FGFRL1: variants seen among roughly 807,000 people sequenced by gnomAD.
FGFRL1 encodes the protein fibroblast growth factor receptor like 1.
In FGFRL1, 24 loss-of-function variants were observed where a neutral mutation model predicts 36.8. The observed-to-expected ratio is 0.65, with a 90% confidence interval of 0.47 to 0.92. FGFRL1 has a LOEUF of 0.92. Ranked by LOEUF, FGFRL1 falls within the 40% of genes least tolerant of loss-of-function variation. The pLI, the probability that FGFRL1 is intolerant of heterozygous loss-of-function variation, is 0.00. For synonymous variants in FGFRL1, 422 were observed against 344.1 expected (o/e 1.23, Z -2.50); for missense variants, 785 against 753.4 (o/e 1.04, Z -0.49).
intron 2 of FGFRL1, 140 bp downstream of exon 2, chr4:1,012,704 C>T (rs1336740115): frequency 2.4e-6 from 1 of 419,458 alleles, no homozygotes; most frequent in Non-Finnish European, 4.1e-6. Context: ...GGCCCCCTTC[C>T]TTCCAGGGCC....
chr4:1,022,468 C>T lies in FGFRL1; in HGVS notation c.345C>T (p.Val115=), dbSNP rs762562937. 10 of 1,600,114 alleles carry T rather than the reference C, an allele frequency of 6.2e-6. No individual in the cohort carries two copies. Among genetic ancestry groups the T allele is most frequent in the Admixed American group, 1.7e-5 (1 of 59,462 alleles). The part of the protein sequence containing the change: ...FGSLSVNYTL[V]VLDDISPGKE... ...GCCTGAGCGTCAACTACACCCTCGT[C>T]GTGCTGGGTTAGTCGCTGCTGCGGT... Residue 115 remains valine (V), a synonymous_variant, in exon 3 of 7, where the codon GTC becomes GTT. Coordinates refer to ENST00000510644, the MANE Select transcript of FGFRL1 (RefSeq NM_001004356.3).
chr4:1,021,881 G>A (rs528576037), intron 2 of FGFRL1, among the ~76,000 whole-genome samples: 27 of 152,356 alleles, frequency 1.8e-4, no homozygotes, highest in Admixed American at 4.6e-4. Flanking sequence ...GTTACCAAGC[G>A]CAGCTGTTTT....
In FGFRL1 at chr4:1,024,996, C is replaced by G. The variant is rs757186468; in HGVS notation, c.1164C>G (p.Val388=). 4 of 1,610,852 alleles carry G rather than the reference C, an allele frequency of 2.5e-6. No homozygotes were observed. In the East Asian group the frequency reaches 8.9e-5, roughly 36 times the overall value. The part of the protein sequence containing the change: ...PVVIGIPAGA[V]FILGTLLLWL... Reference sequence around the variant, plus strand: ...TCATCGGCATCCCAGCCGGCGCTGTCTTCATCCTGGGCACCCTGCTCCTGT... The same window carrying G: ...TCATCGGCATCCCAGCCGGCGCTGTGTTCATCCTGGGCACCCTGCTCCTGT... The change falls in exon 7 of 7, where the codon GTC becomes GTG. Residue 388 remains valine, a synonymous_variant. Coordinates refer to ENST00000510644, the MANE Select transcript of FGFRL1 (RefSeq NM_001004356.3).
At chr4:1,012,406 G>C in intron 1 of FGFRL1, 64 bp from the exon 2 acceptor site, 1 of 1,555,026 alleles carries the variant, frequency 6.4e-7, no homozygotes, top group Non-Finnish European at 8.6e-7. Context: ...CCCGCGGCCC[G>C]GGACCGGGGA....
At chr4:1,012,660 G>C (rs1560556703) in intron 2 of FGFRL1, 96 bp downstream of exon 2, 3 of 486,514 alleles carry the variant, frequency 6.2e-6, no homozygotes, top group Non-Finnish European at 1.0e-5. Flanking sequence ...CGCCTGGCAC[G>C]CGCCATGCCC....
intron 1 of FGFRL1, 156 bp from the exon 2 acceptor site, chr4:1,012,314 C>T: frequency 2.8e-6 from 2 of 718,810 alleles, no homozygotes; most frequent in Admixed American, 6.4e-5. Flanking sequence ...CTTTGATACC[C>T]ACAGCTTCTC....
intron 2 of FGFRL1, among the ~76,000 whole-genome samples, chr4:1,018,578 G>T (rs1716015611): frequency 6.6e-6 from 1 of 152,180 alleles, no homozygotes; most frequent in Admixed American, 6.5e-5. Flanking sequence ...AGGAGGCTGG[G>T]GGGTGTCTTG....
Position 1,011,831 on chromosome 4 carries a change from C to T in FGFRL1, c.-140C>T, listed in dbSNP as rs1183087563. 7.0e-6 allele frequency: 1 copy of T among 143,320 alleles called. No homozygotes were observed. The highest frequency in any genetic ancestry group is 2.1e-4 in the East Asian group (1 of 4,756). The allele number at this position is 143,320 out of a possible 1,614,324, so 8.9% of individuals were successfully genotyped here. A position where few individuals can be genotyped will look rare whatever the true frequency, so the allele number is the denominator to read the frequency against. On this transcript the variant is annotated 5_prime_UTR_variant, in exon 1 of 7. Coordinates refer to ENST00000510644, the MANE Select transcript of FGFRL1 (RefSeq NM_001004356.3). ...CCCGCGCCCAGGTAGCGCCGCCCCG[C>T]CCCGAGACCGGGCCCGGGGGCGCGG... is the stretch of plus-strand genomic sequence containing the variant.
At chr4:1,014,655 G>C (rs1715790709) in intron 2 of FGFRL1, among the ~76,000 whole-genome samples, 1 of 152,216 alleles carries the variant, frequency 6.6e-6, no homozygotes. Context: ...CAATAGCCGT[G>C]GGTGTACGGT....
At chr4:1,017,625 G>T (rs962908521) in intron 2 of FGFRL1, among the ~76,000 whole-genome samples, 3 of 152,222 alleles carry the variant, frequency 2.0e-5, no homozygotes, top group African/African-American at 7.2e-5. Context: ...GAGGTGCAGG[G>T]TGCACTGGAA....
chr4:1,023,384 C>A lies in FGFRL1; in HGVS notation c.353-257C>A, dbSNP rs935376646. 3.9e-5 allele frequency among the ~76,000 whole-genome samples: 6 copies of A among 152,156 alleles called. No homozygotes were observed. The highest frequency in any genetic ancestry group is 1.4e-4 in the African/African-American group (6 of 41,438). On this transcript the variant is annotated intron_variant, in intron 3 of 6. Transcript: ENST00000510644. This position sits in a 1 kb window ranked among gnomAD's most constrained non-coding sequence, Gnocchi z 6.0. ...TCCCTCCTCCCCCGGGGCCTGCAGA[C>A]CCCCCGGAGCCAGAATGGGGGCCGG...
chr4:1,024,621 C>A lies in FGFRL1; in HGVS notation c.1029C>A (p.Thr343=). Residue 343 remains threonine, a synonymous_variant, in exon 6 of 7, where the codon ACC becomes ACA. Coordinates refer to ENST00000510644, the MANE Select transcript of FGFRL1 (RefSeq NM_001004356.3). ...AGMYICLGAN[T]MGYSFRSAFL... ...TGTACATCTGCCTTGGCGCCAACAC[C>A]ATGGGCTACAGCTTCCGCAGCGCCT... The A allele has an allele frequency of 6.2e-7, 1 of 1,610,890 alleles. No homozygotes were observed. The highest frequency in any genetic ancestry group is 1.1e-5 in the South Asian group (1 of 91,058).
chr4:1,012,380 G>C (rs537321806), intron 1 of FGFRL1, 90 bp from the exon 2 acceptor site: 3 of 1,472,492 alleles, frequency 2.0e-6, no homozygotes, highest in Non-Finnish European at 2.7e-6. Context: ...TGGGGAGGGC[G>C]GCCAGACCCC....
At chr4:1,010,468 C>T (rs911421030), upstream of FGFRL1, among the ~76,000 whole-genome samples, 3 of 152,256 alleles carry the variant, frequency 2.0e-5, no homozygotes, top group African/African-American at 7.2e-5. Flanking sequence ...GCGCCCCCCA[C>T]GCCCCGCCTA....
intron 2 of FGFRL1, among the ~76,000 whole-genome samples, chr4:1,017,209 T>A (rs1715934070): frequency 6.6e-6 from 1 of 152,004 alleles, no homozygotes; most frequent in Non-Finnish European, 1.5e-5. Context: ...GCCAGAGAAT[T>A]CCTCCAGCTG....
Position 1,023,622 on chromosome 4 carries a change from C to T in FGFRL1, c.353-19C>T, listed in dbSNP as rs758351811. 1.1e-4 allele frequency: 167 copies of T among 1,586,168 alleles called. No homozygotes were observed. The highest frequency in any genetic ancestry group is 1.4e-4 in the Non-Finnish European group (160 of 1,168,186). On this transcript the variant is annotated intron_variant, in intron 3 of 6. Coordinates refer to ENST00000510644, the MANE Select transcript of FGFRL1 (RefSeq NM_001004356.3). This position sits in a 1 kb window ranked among gnomAD's most constrained non-coding sequence, Gnocchi z 6.0. ...GCCCCCCTCACCTGCCCTCCCTGTG[C>T]ACCTCCGTCTCTCTGCAGATGACAT...
In FGFRL1 at chr4:1,025,015, C is replaced by T. The variant is rs745613727; in HGVS notation, c.1183C>T (p.Leu395Phe). ...AGAVFILGTL[L>F]LWLCQAQKKP... ...CGCTGTCTTCATCCTGGGCACCCTG[C>T]TCCTGTGGCTTTGCCAGGCCCAGAA... Residue 395 changes from leucine to phenylalanine, a missense_variant, in exon 7 of 7, where the codon CTC (leucine) becomes TTC (phenylalanine). By Grantham distance (22) the Leu-to-Phe change is conservative (BLOSUM62 0). Transcript: ENST00000510644. 1.2e-6 allele frequency: 2 copies of T among 1,611,176 alleles called. No homozygotes were observed. The highest frequency in any genetic ancestry group is 1.1e-5 in the South Asian group (1 of 91,068).
chr4:1,017,944 G>A (rs896008919), intron 2 of FGFRL1, among the ~76,000 whole-genome samples: 9 of 152,196 alleles, frequency 5.9e-5, no homozygotes, highest in East Asian at 1.9e-4. Flanking sequence ...GCCAGGCCTC[G>A]GGACACCACG....
chr4:1,024,167 G>T (rs2153027230), intron 5 of FGFRL1, 66 bp downstream of exon 5: 1 of 1,043,132 alleles, frequency 9.6e-7, no homozygotes, highest in South Asian at 1.9e-5. Flanking sequence ...GCGGGCGGGG[G>T]TGCTGGTGGG....
Sources: allele counts gnomAD v4.1 joint callset (sites outside exome capture counted in the v4.1 genomes callset), GRCh38; gene constraint gnomAD v4.1.1; non-coding constraint Gnocchi (gnomAD v3.1); transcripts MANE v1.5; gene names NCBI Gene and HGNC (gene_info 2026-07-23, HGNC 2026-07-21).